The following CLYBL variants were observed in gnomAD, a reference collection of about 807,000 sequenced individuals.
CLYBL encodes the protein citramalyl-CoA lyase, mitochondrial.
A neutral mutation model predicts 38.9 loss-of-function variants in CLYBL; 31 were observed. The ratio of observed to expected loss-of-function variants is 0.80; its 90% confidence interval spans 0.60 to 1.08. The LOEUF (loss-of-function observed/expected upper bound fraction) is 1.08. CLYBL is among the 50% of genes least tolerant of loss of function. The pLI, the probability that CLYBL is intolerant of heterozygous loss-of-function variation, is 0.00. For missense variants in CLYBL, 434 were observed against 411.6 expected, an observed-to-expected ratio of 1.05 and a Z score of -0.47; for synonymous variants, 171 against 158.6, an observed-to-expected ratio of 1.08 and a Z score of -0.59.
intron 1 of CLYBL, among the ~76,000 whole-genome samples, chr13:99,716,095 T>C (rs1385200111): frequency 6.6e-6 from 1 of 151,924 alleles, no homozygotes; most frequent in African/African-American, 2.4e-5. Flanking sequence ...AGGCTTTTCT[T>C]TTCTCATCTG....
chr13:99,625,400 G>A (rs150078511), intron 1 of CLYBL, among the ~76,000 whole-genome samples: 25 of 152,260 alleles, frequency 1.6e-4, no homozygotes, highest in Middle Eastern at 3.4e-3. Flanking sequence ...CCCAGGGTTC[G>A]GCCAAGGAAG....
At chr13:99,902,365 G>C (rs2052652826) in intron 8 of CLYBL, among the ~76,000 whole-genome samples, 1 of 152,232 alleles carries the variant, frequency 6.6e-6, no homozygotes, top group African/African-American at 2.4e-5. Context: ...TGTCATATAA[G>C]GAATTTTAAA....
intron 1 of CLYBL, among the ~76,000 whole-genome samples, chr13:99,752,507 G>A (rs549455002): frequency 6.6e-6 from 1 of 152,252 alleles, no homozygotes; most frequent in Non-Finnish European, 1.5e-5. Context: ...ACAGGCTGGA[G>A]AATAGGAAAA....
intron 2 of CLYBL, among the ~76,000 whole-genome samples, chr13:99,777,696 T>C (rs2049551303): frequency 1.3e-5 from 2 of 152,008 alleles, no homozygotes; most frequent in Admixed American, 1.3e-4. Flanking sequence ...TTTCATCATA[T>C]TGGTCAGGCT....
At chr13:99,786,612 G>A (rs541713607) in intron 2 of CLYBL, among the ~76,000 whole-genome samples, 41 of 152,266 alleles carry the variant, frequency 2.7e-4, no homozygotes, top group Admixed American at 9.8e-4. Flanking sequence ...GTCATTGATG[G>A]ACATTTGGGT....
chr13:99,645,268 GGGT>G (rs2047160478), intron 1 of CLYBL, among the ~76,000 whole-genome samples: 1 of 152,102 alleles, frequency 6.6e-6, no homozygotes, highest in Non-Finnish European at 1.5e-5. Context: ...AGGCTGATGC[GGGT>G]GGATCACGAG....
At chr13:99,731,082 C>CAAAAAAA (rs764705741) in intron 1 of CLYBL, among the ~76,000 whole-genome samples, 1 of 57,016 alleles carries the variant, frequency 1.8e-5, no homozygotes, top group African/African-American at 7.6e-5. Flanking sequence ...GACTCTGTTT[C>CAAAAAAA]AAAAAAAAAA....
At chr13:99,875,584 A>G (rs1467124226) in intron 7 of CLYBL, among the ~76,000 whole-genome samples, 2 of 152,182 alleles carry the variant, frequency 1.3e-5, no homozygotes, top group African/African-American at 2.4e-5. Context: ...CTAGCCAAAA[A>G]TATTGTTTCC....
intron 2 of CLYBL, among the ~76,000 whole-genome samples, chr13:99,844,030 G>A (rs2139135364): frequency 6.6e-6 from 1 of 152,360 alleles, no homozygotes; most frequent in East Asian, 1.9e-4. Flanking sequence ...GAGTAAAAAA[G>A]GCCGGTGACA....
intron 1 of CLYBL, among the ~76,000 whole-genome samples, chr13:99,634,820 C>T (rs940933583): frequency 1.3e-5 from 2 of 152,152 alleles, no homozygotes; most frequent in East Asian, 1.9e-4. Context: ...TTCTTTCCTA[C>T]TCTGTTAGCA....
rs979678131 is a variant in CLYBL, at chr13:99,882,990, G to C, written c.928-8328G>C. On this transcript the variant is annotated intron_variant, in intron 7 of 8. Transcript: ENST00000339105. ...GGCCAGGCCAGGCCAGCCCAGCCCAGCTCTTAGCTTCCCCATCGTTGGATC... is the reference window on the plus strand; with the variant it reads ...GGCCAGGCCAGGCCAGCCCAGCCCACCTCTTAGCTTCCCCATCGTTGGATC... 1.4e-4 allele frequency among the ~76,000 whole-genome samples: 21 copies of C among 152,180 alleles called. No homozygotes were observed. The East Asian group carries it at 3.9e-3, about 28-fold the overall frequency.
chr13:99,865,383 A>C lies in CLYBL; in HGVS notation c.634+472A>C. 4.3e-6 allele frequency: 1 copy of C among 231,508 alleles called. No homozygotes were observed. Among genetic ancestry groups the C allele is most frequent in the Non-Finnish European group, 8.5e-6 (1 of 117,202 alleles). The allele number at this position is 231,508 out of a possible 1,614,324, so 14.3% of individuals were successfully genotyped here. On this transcript the variant is annotated intron_variant, in intron 5 of 8. Transcript: ENST00000339105. This position sits in a 1 kb window ranked among gnomAD's most constrained non-coding sequence, Gnocchi z 4.7. ...AAATATTATTTTAAATGGATCTTAA[A>C]TTTCTCTTACAATATGTTTCGAACT...
chr13:99,856,822 A>G (rs1045910157), intron 2 of CLYBL, among the ~76,000 whole-genome samples: 2 of 151,472 alleles, frequency 1.3e-5, no homozygotes, highest in African/African-American at 4.8e-5. Flanking sequence ...CATTTTTAGT[A>G]GAGATGGGGT....
intron 2 of CLYBL, among the ~76,000 whole-genome samples, chr13:99,837,124 T>C (rs2050958479): frequency 6.6e-6 from 1 of 152,114 alleles, no homozygotes; most frequent in Non-Finnish European, 1.5e-5. Context: ...ATAGGATTCT[T>C]GCCTTCAGTG....
chr13:99,708,295 T>C (rs983869624), intron 1 of CLYBL, among the ~76,000 whole-genome samples: 4 of 152,216 alleles, frequency 2.6e-5, no homozygotes, highest in Non-Finnish European at 4.4e-5. Context: ...GCTGGGTGTT[T>C]TGTACAGTGG....
chr13:99,668,141 G>T (rs1417218359), intron 1 of CLYBL, among the ~76,000 whole-genome samples: 1 of 152,124 alleles, frequency 6.6e-6, no homozygotes, highest in African/African-American at 2.4e-5. Context: ...ATACATGGTG[G>T]CACATGCCTG....
chr13:99,713,484 C>G (rs998101054), intron 1 of CLYBL, among the ~76,000 whole-genome samples: 7 of 151,402 alleles, frequency 4.6e-5, no homozygotes, highest in African/African-American at 1.2e-4. Flanking sequence ...GGATTACAGG[C>G]ATCTGCCACC....
intron 1 of CLYBL, among the ~76,000 whole-genome samples, chr13:99,648,485 T>C (rs1167026801): frequency 6.6e-6 from 1 of 152,256 alleles, no homozygotes; most frequent in Non-Finnish European, 1.5e-5. Flanking sequence ...TTTTTGTGAC[T>C]TTTCTTGCTG....
intron 1 of CLYBL, among the ~76,000 whole-genome samples, chr13:99,651,996 T>G (rs2047261352): frequency 6.6e-6 from 1 of 151,926 alleles, no homozygotes; most frequent in Non-Finnish European, 1.5e-5. Context: ...CAAGAGGGGG[T>G]TTTCCTGGAA....
Sources: allele counts gnomAD v4.1 joint callset (sites outside exome capture counted in the v4.1 genomes callset), GRCh38; gene constraint gnomAD v4.1.1; non-coding constraint Gnocchi (gnomAD v3.1); transcripts MANE v1.5; gene names NCBI Gene and HGNC (gene_info 2026-07-23, HGNC 2026-07-21).